KDM2A: variants seen among roughly 807,000 people sequenced by gnomAD.
KDM2A encodes the protein lysine-specific demethylase 2A.
Under a neutral mutation model 137.3 loss-of-function variants are expected in KDM2A, and 3 were observed. The observed-to-expected ratio is 0.02, with a 90% confidence interval of 0.01 to 0.06. The LOEUF (loss-of-function observed/expected upper bound fraction) is 0.06, where lower values mean the gene tolerates loss of function less well. KDM2A is among the 10% of genes least tolerant of loss of function. The pLI is 1.00. For synonymous variants in KDM2A, 512 were observed against 541.5 expected (o/e 0.95, Z 0.76); for missense variants, 738 against 1,510.6 (o/e 0.49, Z 8.48).
Position 67,250,548 on chromosome 11 carries a change from T to C in KDM2A, c.2518T>C (p.Cys840Arg). The stretch of plus-strand genomic sequence containing the variant: ...TTCCCCCCGTGTGCTAGTGCAGCAC[T>C]GCCCAGCCCGAACCCCCCAGCGTGG... ...RHSPRVLVQH[C>R]PARTPQRGDE... The change falls in exon 17 of 21, where the codon TGC (cysteine) becomes CGC (arginine). Residue 840 changes from cysteine to arginine, a missense_variant. Cys to Arg is a radical substitution (Grantham distance 180). This residue lies in a region of KDM2A where 244 missense variants were observed against 324.6 expected (regional missense o/e 0.75). Transcript: ENST00000529006. This position sits in a 1 kb window ranked among gnomAD's most constrained non-coding sequence, Gnocchi z 7.1. 1 of 1,613,802 alleles carries C rather than the reference T, an allele frequency of 6.2e-7. No individual in the cohort carries two copies. The highest frequency in any genetic ancestry group is 8.5e-7 in the Non-Finnish European group (1 of 1,179,844).
intron 2 of KDM2A, among the ~76,000 whole-genome samples, chr11:67,125,103 C>A (rs1036198579): frequency 6.6e-6 from 1 of 151,852 alleles, no homozygotes; most frequent in African/African-American, 2.4e-5. Flanking sequence ...CCTCGTGATC[C>A]GCCTGCCTCG....
At chr11:67,228,251 G>A (rs1479035299) in intron 11 of KDM2A, 88 bp downstream of exon 11, 2 of 1,412,752 alleles carry the variant, frequency 1.4e-6, no homozygotes, top group Non-Finnish European at 1.9e-6. Context: ...CACTCAATAT[G>A]TTCTTGGTTT....
At chr11:67,171,378 T>C (rs1186650339) in intron 2 of KDM2A, among the ~76,000 whole-genome samples, 1 of 152,184 alleles carries the variant, frequency 6.6e-6, no homozygotes, top group African/African-American at 2.4e-5. Context: ...ATATATAATG[T>C]AAATAGGAAT....
chr11:67,135,339 C>G (rs961479613), intron 2 of KDM2A, among the ~76,000 whole-genome samples: 3 of 152,184 alleles, frequency 2.0e-5, no homozygotes, highest in African/African-American at 7.2e-5. Context: ...GTTGGGATTA[C>G]AAGCGTGAGC....
chr11:67,198,316 A>AT (rs142427113), intron 5 of KDM2A, among the ~76,000 whole-genome samples: 20,496 of 142,480 alleles, frequency 0.14, 1,521 homozygotes, highest in African/African-American at 0.2. Flanking sequence ...CAGATAGTGT[A>AT]TTTTTTTTTT....
intron 2 of KDM2A, among the ~76,000 whole-genome samples, chr11:67,124,829 A>G (rs935938830): frequency 2.0e-5 from 3 of 151,504 alleles, no homozygotes; most frequent in Middle Eastern, 6.8e-3. Flanking sequence ...AAGAGGACAC[A>G]TCATCTATTT....
intron 2 of KDM2A, 117 bp downstream of exon 2, chr11:67,121,475 G>A: frequency 4.3e-6 from 4 of 931,788 alleles, no homozygotes; most frequent in South Asian, 2.9e-5. Flanking sequence ...ACTTTTCTGT[G>A]CACCAGAGGA....
intron 2 of KDM2A, among the ~76,000 whole-genome samples, chr11:67,148,596 T>A (rs867624286): frequency 1.3e-5 from 2 of 151,066 alleles, no homozygotes; most frequent in Non-Finnish European, 3.0e-5. Context: ...AGGTCAGGAG[T>A]TTGAGACCAG....
chr11:67,231,921 A>G lies in KDM2A; in HGVS notation c.1440A>G (p.Thr480=), dbSNP rs756455466. ...CACTGCACAAGAAATGTGTCCCCAC[A>G]GGGATAGAAGATGAAGATGCTCTCA... The part of the protein sequence containing the change: ...SLPLHKKCVP[T]GIEDEDALIA... Residue 480 remains threonine, a synonymous_variant, in exon 12 of 21, where the codon ACA becomes ACG. Transcript: ENST00000529006. The G allele has an allele frequency of 3.1e-6, 5 of 1,613,842 alleles. No homozygotes were observed. The highest frequency in any genetic ancestry group is 4.2e-6 in the Non-Finnish European group (5 of 1,179,864).
chr11:67,124,920 C>T (rs936961137), intron 2 of KDM2A, among the ~76,000 whole-genome samples: 1 of 146,444 alleles, frequency 6.8e-6, no homozygotes, highest in Non-Finnish European at 1.5e-5. Flanking sequence ...TGCAGTGGCT[C>T]GATCTTGGCT....
chr11:67,208,041 A>G lies in KDM2A; in HGVS notation c.486+353A>G, dbSNP rs560002160. On this transcript the variant is annotated intron_variant, in intron 6 of 20. Coordinates refer to ENST00000529006, the MANE Select transcript of KDM2A (RefSeq NM_012308.3). Reference sequence around the variant, plus strand: ...ACAAGACCCTGTCTCAAAAATTTAAAATAAAATGCGTTGTTTTTATACTGG... The same window carrying G: ...ACAAGACCCTGTCTCAAAAATTTAAGATAAAATGCGTTGTTTTTATACTGG... Among the ~76,000 whole-genome samples the G allele has an allele frequency of 6.6e-5, 10 of 152,272 alleles. No individual in the cohort carries two copies. The South Asian group carries it at 2.1e-3, about 32-fold the overall frequency.
At chr11:67,193,033 A>C (rs995068583) in intron 5 of KDM2A, among the ~76,000 whole-genome samples, 1 of 151,550 alleles carries the variant, frequency 6.6e-6, no homozygotes, top group African/African-American at 2.4e-5. Context: ...TTTGTTTCTC[A>C]GTCTGGAGTG....
chr11:67,140,684 C>T (rs1207152115), intron 2 of KDM2A, among the ~76,000 whole-genome samples: 2 of 151,864 alleles, frequency 1.3e-5, no homozygotes, highest in African/African-American at 2.4e-5. Context: ...ACCCGTGAGG[C>T]GGAGGTTGCA....
At chr11:67,188,143 C>T (rs990065680) in intron 5 of KDM2A, among the ~76,000 whole-genome samples, 4 of 151,792 alleles carry the variant, frequency 2.6e-5, no homozygotes, top group African/African-American at 9.7e-5. Flanking sequence ...CTGATCACAC[C>T]ACTGTAGTCC....
intron 2 of KDM2A, among the ~76,000 whole-genome samples, chr11:67,152,965 C>T (rs1211818261): frequency 2.9e-5 from 4 of 138,426 alleles, no homozygotes; most frequent in Non-Finnish European, 4.6e-5. Flanking sequence ...TTCAGGAATT[C>T]CTCTTATAGT....
intron 8 of KDM2A, among the ~76,000 whole-genome samples, 192 bp downstream of exon 8, chr11:67,216,141 C>T (rs867879713): frequency 6.6e-6 from 1 of 152,224 alleles, no homozygotes; most frequent in Non-Finnish European, 1.5e-5. Flanking sequence ...ATCTAGTTCA[C>T]TGTCATTACA....
At chr11:67,163,151 C>T (rs544670676) in intron 2 of KDM2A, among the ~76,000 whole-genome samples, 2 of 152,200 alleles carry the variant, frequency 1.3e-5, no homozygotes, top group Non-Finnish European at 2.9e-5. Context: ...TTCATTGCTA[C>T]TCTGTCTTCT....
intron 3 of KDM2A, 192 bp downstream of exon 3, chr11:67,180,409 A>G: frequency 8.4e-6 from 4 of 475,754 alleles, no homozygotes; most frequent in Admixed American, 4.0e-5. Context: ...ATTCTCTCCT[A>G]TATTAGAAGT....
chr11:67,173,167 G>C (rs960695459), intron 2 of KDM2A, among the ~76,000 whole-genome samples: 10 of 152,086 alleles, frequency 6.6e-5, no homozygotes, highest in Non-Finnish European at 1.5e-4. Context: ...TTGTTGCCCA[G>C]GCTAGAGTGC....
Sources: allele counts gnomAD v4.1 joint callset (sites outside exome capture counted in the v4.1 genomes callset), GRCh38; gene constraint gnomAD v4.1.1; regional missense constraint gnomAD v4.1.1; non-coding constraint Gnocchi (gnomAD v3.1); transcripts MANE v1.5; gene names NCBI Gene and HGNC (gene_info 2026-07-23, HGNC 2026-07-21).